CSMD1: variants seen among roughly 807,000 people sequenced by gnomAD.
CSMD1 encodes the protein CUB and sushi domain-containing protein 1.
CSMD1 carries 213 observed loss-of-function variants against 417.5 expected under a neutral mutation model. The observed-to-expected ratio is 0.51, with a 90% CI of 0.46 to 0.57. The LOEUF is 0.57. CSMD1 is among the 20% of genes least tolerant of loss of function. The pLI is 0.00. For missense variants in CSMD1, 6,923 were observed against 4,529.7 expected (o/e 1.53, Z -15.17); for synonymous variants, 2,862 against 1,736.8 (o/e 1.65, Z -16.11).
Position 3,893,519 on chromosome 8 carries a change from T to C in CSMD1, c.818+104384A>G, listed in dbSNP as rs1485228617. On this transcript the variant is annotated intron_variant, in intron 5 of 69. Coordinates refer to ENST00000635120, the MANE Select transcript of CSMD1 (RefSeq NM_033225.6). ...TTTATTACAATTTTTGTTTTACAAATTAAATTTATAAATATTATGAAACCA... is the reference window on the plus strand; with the variant it reads ...TTTATTACAATTTTTGTTTTACAAACTAAATTTATAAATATTATGAAACCA... 3.3e-5 allele frequency among the ~76,000 whole-genome samples: 5 copies of C among 151,792 alleles called. No individual in the cohort carries two copies. In the East Asian group the frequency reaches 9.7e-4, roughly 30 times the overall value.
At chr8:3,471,357 G>T (rs1219125226) in intron 11 of CSMD1, among the ~76,000 whole-genome samples, 2 of 152,058 alleles carry the variant, frequency 1.3e-5, no homozygotes, top group East Asian at 1.9e-4. Flanking sequence ...ACCAGTCCTT[G>T]TCAGAAATTA....
At chr8:4,232,683 G>C (rs769520134) in intron 3 of CSMD1, among the ~76,000 whole-genome samples, 5 of 152,068 alleles carry the variant, frequency 3.3e-5, no homozygotes, top group Non-Finnish European at 5.9e-5. Context: ...CACCTAAACT[G>C]AAGGAGACAT....
chr8:3,456,854 GC>G (rs1585193110), intron 12 of CSMD1, among the ~76,000 whole-genome samples: 1 of 152,046 alleles, frequency 6.6e-6, no homozygotes, highest in Admixed American at 6.5e-5. Context: ...TGAAACCCGA[GC>G]CCAGGTCTCT....
At chr8:4,336,769 G>A (rs925364936) in intron 3 of CSMD1, among the ~76,000 whole-genome samples, 6 of 152,104 alleles carry the variant, frequency 3.9e-5, no homozygotes, top group African/African-American at 1.4e-4. Context: ...AATGGGCAAA[G>A]CTGGGCCCAG....
chr8:4,411,555 A>T (rs188073512), intron 3 of CSMD1, among the ~76,000 whole-genome samples: 34 of 152,252 alleles, frequency 2.2e-4, no homozygotes, highest in Admixed American at 9.2e-4. Context: ...TCATTAATTA[A>T]TTTTTTCTGT....
chr8:3,262,057 A>G (rs1183467525), intron 26 of CSMD1, among the ~76,000 whole-genome samples: 2 of 151,834 alleles, frequency 1.3e-5, no homozygotes, highest in Non-Finnish European at 2.9e-5. Context: ...AAGTGGATCT[A>G]TGATTACCCC....
At chr8:3,982,845 C>A (rs796245237) in intron 5 of CSMD1, among the ~76,000 whole-genome samples, 21 of 152,350 alleles carry the variant, frequency 1.4e-4, no homozygotes, top group African/African-American at 4.8e-4. Flanking sequence ...ATCATTGCAG[C>A]TCTACGCATA....
At chr8:4,419,602 C>A (rs192650744) in intron 3 of CSMD1, among the ~76,000 whole-genome samples, 2 of 152,132 alleles carry the variant, frequency 1.3e-5, no homozygotes, top group Admixed American at 1.3e-4. Context: ...AATTGTCCAA[C>A]CAAAAATTTA....
chr8:4,471,233 A>G (rs1469587774), intron 2 of CSMD1, among the ~76,000 whole-genome samples: 1 of 152,236 alleles, frequency 6.6e-6, no homozygotes, highest in Non-Finnish European at 1.5e-5. Context: ...GTGTTCCCCA[A>G]GCTCACAAAA....
chr8:3,595,413 G>A (rs967172700), intron 8 of CSMD1, among the ~76,000 whole-genome samples: 2 of 152,016 alleles, frequency 1.3e-5, no homozygotes, highest in South Asian at 2.1e-4. Flanking sequence ...TTTTCATAGC[G>A]GCAATTTTTA....
At chr8:3,953,358 CAT>C (rs1214759490) in intron 5 of CSMD1, among the ~76,000 whole-genome samples, 37 of 151,922 alleles carry the variant, frequency 2.4e-4, no homozygotes, top group African/African-American at 8.5e-4. Context: ...CATTACATGC[CAT>C]ATAATGCAAG....
At chr8:4,390,946 G>C (rs1585002122) in intron 3 of CSMD1, among the ~76,000 whole-genome samples, 1 of 152,156 alleles carries the variant, frequency 6.6e-6, no homozygotes, top group African/African-American at 2.4e-5. Context: ...CTAATCCAAA[G>C]ACACACAAAT....
At chr8:3,857,143 A>T (rs917862081) in intron 5 of CSMD1, among the ~76,000 whole-genome samples, 2 of 152,198 alleles carry the variant, frequency 1.3e-5, no homozygotes, top group African/African-American at 4.8e-5. Flanking sequence ...TTGTCTACGA[A>T]GTTAGTGTAA....
At chr8:3,819,561 C>CACACTA (rs3219854) in intron 5 of CSMD1, among the ~76,000 whole-genome samples, 1 of 149,780 alleles carries the variant, frequency 6.7e-6, no homozygotes, top group Non-Finnish European at 1.5e-5. Flanking sequence ...CACACACACA[C>CACACTA]GTATGTATAT....
chr8:4,479,028 G>T (rs550875199), intron 2 of CSMD1, among the ~76,000 whole-genome samples: 1 of 152,154 alleles, frequency 6.6e-6, no homozygotes, highest in Non-Finnish European at 1.5e-5. Flanking sequence ...TCCTAGGGAA[G>T]ATAACACAGA....
At chr8:4,226,494 C>T (rs1257682536) in intron 3 of CSMD1, among the ~76,000 whole-genome samples, 2 of 152,096 alleles carry the variant, frequency 1.3e-5, no homozygotes, top group Non-Finnish European at 2.9e-5. Context: ...CAGGACTTTG[C>T]AGTAACAGAA....
At chr8:4,050,679 A>G (rs1798379526) in intron 3 of CSMD1, among the ~76,000 whole-genome samples, 3 of 152,208 alleles carry the variant, frequency 2.0e-5, no homozygotes, top group Admixed American at 2.0e-4. Context: ...CCCATTACAC[A>G]TCCCCACTTC....
At chr8:3,551,260 T>C (rs1202506345) in intron 10 of CSMD1, among the ~76,000 whole-genome samples, 1 of 152,172 alleles carries the variant, frequency 6.6e-6, no homozygotes, top group Non-Finnish European at 1.5e-5. Context: ...TTAACTAATA[T>C]CTTGTGGCAT....
At chr8:4,129,066 G>A (rs557526034) in intron 3 of CSMD1, among the ~76,000 whole-genome samples, 1 of 97,712 alleles carries the variant, frequency 1.0e-5, no homozygotes, top group African/African-American at 3.9e-5. Flanking sequence ...CAGAGTGAGA[G>A]TCCAACTCAA....
Sources: allele counts gnomAD v4.1 joint callset (sites outside exome capture counted in the v4.1 genomes callset), GRCh38; gene constraint gnomAD v4.1.1; transcripts MANE v1.5; gene names NCBI Gene and HGNC (gene_info 2026-07-23, HGNC 2026-07-21).